TRIP11: variants seen among roughly 807,000 people sequenced by gnomAD.
The protein encoded by TRIP11 is thyroid receptor-interacting protein 11.
A neutral mutation model predicts 223.1 loss-of-function variants in TRIP11; 148 were observed. The observed-to-expected ratio is 0.66, with a 90% CI of 0.58 to 0.76. The LOEUF (loss-of-function observed/expected upper bound fraction) is 0.76, where lower values mean the gene tolerates loss of function less well. TRIP11 is among the 30% of genes least tolerant of loss of function. TRIP11 has a pLI of 0.00. For synonymous variants in TRIP11, 762 were observed against 772.6 expected (o/e 0.99, Z 0.23); for missense variants, 2,043 against 2,222.0 (o/e 0.92, Z 1.62).
In TRIP11 at chr14:92,003,715, C is replaced by T; in HGVS notation, c.4261G>A (p.Asp1421Asn). 1 of 1,614,116 alleles carries T rather than the reference C, an allele frequency of 6.2e-7. No homozygotes were observed. The highest frequency in any genetic ancestry group is 8.5e-7 in the Non-Finnish European group (1 of 1,180,014). Residue 1421 changes from aspartate (D) to asparagine (N), a missense_variant, in exon 11 of 21, where the codon GAT becomes AAT. Coordinates refer to ENST00000267622, the MANE Select transcript of TRIP11 (RefSeq NM_004239.4). ...EKDLLIKAKS[D>N]QLLSSNENFT... ...TTTTCATTGGAAGAAAGTAGTTGATCACTTTTGGCTTTGATTAAGAGGTCT... is the reference window on the plus strand; with the variant it reads ...TTTTCATTGGAAGAAAGTAGTTGATTACTTTTGGCTTTGATTAAGAGGTCT...
Position 92,003,946 on chromosome 14 carries a change from AT to A in TRIP11, c.4029del (p.Glu1343AspfsTer7). ...AGCTCTTCTAACTCTTGCTGAAGCA[AT>A]TCAGAAGATTCACTCAATACTTCAG... The part of the protein sequence containing the change: ...SKSEVLSESS[E>X]LLQQELEELR... On this transcript the variant is annotated frameshift_variant, in exon 11 of 21. Coordinates refer to ENST00000267622, the MANE Select transcript of TRIP11 (RefSeq NM_004239.4). LOFTEE classifies it high-confidence loss of function. 6.2e-7 allele frequency: 1 copy of A among 1,614,168 alleles called. No individual in the cohort carries two copies. Among genetic ancestry groups the A allele is most frequent in the Non-Finnish European group, 8.5e-7 (1 of 1,180,030 alleles).
At chr14:92,018,960 C>CAAAAAAAAAAAAAAAAAAA (rs567152333) in intron 4 of TRIP11, among the ~76,000 whole-genome samples, 1 of 70,902 alleles carries the variant, frequency 1.4e-5, no homozygotes, top group Non-Finnish European at 2.8e-5. Flanking sequence ...GACTCCATCT[C>CAAAAAAAAAAAAAAAAAAA]AAAAAAAAAA....
intron 16 of TRIP11, among the ~76,000 whole-genome samples, chr14:91,987,288 C>T (rs1274379950): frequency 1.3e-5 from 2 of 151,916 alleles, no homozygotes; most frequent in African/African-American, 2.4e-5. Flanking sequence ...AATTACTTCA[C>T]ATCTATCTTT....
In TRIP11 at chr14:91,969,798, C is replaced by T; in HGVS notation, c.5815G>A (p.Gly1939Arg). The T allele has an allele frequency of 6.2e-7, 1 of 1,614,144 alleles. No homozygotes were observed. Among genetic ancestry groups the T allele is most frequent in the Non-Finnish European group, 8.5e-7 (1 of 1,180,030 alleles). Residue 1939 changes from glycine to arginine, a missense_variant, in exon 21 of 21, where the codon GGA becomes AGA. Coordinates refer to ENST00000267622, the MANE Select transcript of TRIP11 (RefSeq NM_004239.4). ...AVPLINPAGLGPGGPGHLLLK... is the reference protein window; with the variant it reads ...AVPLINPAGLRPGGPGHLLLK... ...AGAAGATGCCCGGGCCCACCAGGTCCAAGTCCAGCTGGGTTAATAAGAGGT... is the reference window on the plus strand; with the variant it reads ...AGAAGATGCCCGGGCCCACCAGGTCTAAGTCCAGCTGGGTTAATAAGAGGT...
chr14:92,026,193 T>G (rs2057184190), intron 2 of TRIP11, among the ~76,000 whole-genome samples: 1 of 152,172 alleles, frequency 6.6e-6, no homozygotes, highest in Non-Finnish European at 1.5e-5. Flanking sequence ...TCAGGGTCCC[T>G]GAAGGACCTC....
intron 1 of TRIP11, among the ~76,000 whole-genome samples, chr14:92,036,484 A>G (rs758703419): frequency 5.3e-5 from 8 of 152,230 alleles, no homozygotes; most frequent in Non-Finnish European, 1.2e-4. Context: ...TAATTTGCCA[A>G]AAATCCCACA....
chr14:91,989,704 T>C (rs866087600), intron 15 of TRIP11, among the ~76,000 whole-genome samples: 1 of 152,036 alleles, frequency 6.6e-6, no homozygotes, highest in South Asian at 2.1e-4. Context: ...GATCTAGATG[T>C]TGCTGTGAAG....
intron 5 of TRIP11, 22 bp from the exon 6 acceptor site, chr14:92,015,883 T>C (rs1405860863): frequency 6.3e-7 from 1 of 1,575,646 alleles, no homozygotes; most frequent in Admixed American, 1.7e-5. Context: ...AAAACAAAGT[T>C]ATTCACATTT....
At chr14:91,975,993 GA>G in intron 17 of TRIP11, 114 bp downstream of exon 17, 11 of 934,040 alleles carry the variant, frequency 1.2e-5, no homozygotes, top group Middle Eastern at 3.1e-4. Context: ...AGAGTGAGGG[GA>G]AAAAAGGCTT....
intron 6 of TRIP11, among the ~76,000 whole-genome samples, chr14:92,015,121 C>T (rs1477679777): frequency 6.6e-6 from 1 of 151,924 alleles, no homozygotes; most frequent in Non-Finnish European, 1.5e-5. Context: ...CCAGGCTGGT[C>T]TCAAACTCCT....
intron 11 of TRIP11, among the ~76,000 whole-genome samples, chr14:92,000,716 C>T (rs1273044971): frequency 3.9e-5 from 6 of 152,168 alleles, no homozygotes; most frequent in South Asian, 2.1e-4. Context: ...CACGTATGTG[C>T]GTGCTGTCCA....
chr14:91,973,711 T>A (rs2056427642), intron 19 of TRIP11, among the ~76,000 whole-genome samples: 1 of 152,152 alleles, frequency 6.6e-6, no homozygotes, highest in South Asian at 2.1e-4. Flanking sequence ...AAATCACCTA[T>A]CCTTCGTGTC....
At chr14:91,986,759 G>A (rs2056608799) in intron 16 of TRIP11, among the ~76,000 whole-genome samples, 1 of 152,122 alleles carries the variant, frequency 6.6e-6, no homozygotes, top group Admixed American at 6.5e-5. Context: ...CCTCTCAGTT[G>A]CCCATATGTC....
At chr14:91,981,400 T>G (rs2140090438) in intron 16 of TRIP11, among the ~76,000 whole-genome samples, 1 of 151,926 alleles carries the variant, frequency 6.6e-6, no homozygotes, top group South Asian at 2.1e-4. Context: ...TTTTTGTTGT[T>G]GTTTTTTTAG....
At position 92,021,811 on chromosome 14, in the gene TRIP11, T is replaced by C; in HGVS notation, c.333A>G (p.Lys111=). The change falls in exon 4 of 21, where the codon AAA becomes AAG. Residue 111 remains lysine (K), a synonymous_variant. Transcript: ENST00000267622. ...QQKEVEISHL[K]ARQIALQDQL... ...GATCCTGGAGTGCAATCTGTCTGGC[T>C]TTAAGATGGCTGATTTCTACCTATA... The C allele has an allele frequency of 6.2e-7, 1 of 1,614,070 alleles. No homozygotes were observed. The highest frequency in any genetic ancestry group is 8.5e-7 in the Non-Finnish European group (1 of 1,180,030).
chr14:91,966,705 CA>C lies in TRIP11; in HGVS notation c.*2967del. 4.8e-6 allele frequency: 1 copy of C among 207,870 alleles called. No homozygotes were observed. The highest frequency in any genetic ancestry group is 9.8e-6 in the Non-Finnish European group (1 of 102,136). The allele number at this position is 207,870 out of a possible 1,614,324, so 12.9% of individuals were successfully genotyped here. A position where few individuals can be genotyped will look rare whatever the true frequency, so the allele number is the denominator to read the frequency against. ...TAGTTTTGTTTCATTTTTTAAAAAT[CA>C]AAAATGACAGGAATGAAAATTCAAA... On this transcript the variant is annotated 3_prime_UTR_variant, in exon 21 of 21. Coordinates refer to ENST00000267622, the MANE Select transcript of TRIP11 (RefSeq NM_004239.4).
At chr14:92,011,114 T>C in intron 8 of TRIP11, 42 bp from the exon 9 acceptor site, 1 of 1,583,068 alleles carries the variant, frequency 6.3e-7, no homozygotes, top group Non-Finnish European at 8.7e-7. Flanking sequence ...AACAAGAAAT[T>C]TCCAGTTTAT....
In TRIP11 at chr14:91,978,188, C is replaced by A. The variant is rs980086056; in HGVS notation, c.5261-1999G>T. Among the ~76,000 whole-genome samples, 2 of 152,142 alleles carry A rather than the reference C, an allele frequency of 1.3e-5. No homozygotes were observed. The highest frequency in any genetic ancestry group is 2.9e-5 in the Non-Finnish European group (2 of 68,026). ...TCTGGGCCTTTTCTAGCACTATATT[C>A]TGAATGTAAATAGAACTCAGCAAAT... On this transcript the variant is annotated intron_variant, in intron 16 of 20. Transcript: ENST00000267622. The surrounding 1 kb of genome is among the most constrained non-coding windows in gnomAD (Gnocchi z 4.4).
intron 12 of TRIP11, 60 bp downstream of exon 12, chr14:91,999,908 T>A (rs2056799984): frequency 6.2e-7 from 1 of 1,601,318 alleles, no homozygotes. Flanking sequence ...CCTTTCCAGT[T>A]CTCTTAATAG....
Sources: allele counts gnomAD v4.1 joint callset (sites outside exome capture counted in the v4.1 genomes callset), GRCh38; gene constraint gnomAD v4.1.1; non-coding constraint Gnocchi (gnomAD v3.1); transcripts MANE v1.5; gene names NCBI Gene and HGNC (gene_info 2026-07-23, HGNC 2026-07-21).